Variants in RPS6KA2 observed in about 807,000 individuals in gnomAD.
RPS6KA2 encodes the protein ribosomal protein S6 kinase alpha-2.
A neutral mutation model predicts 91.8 loss-of-function variants in RPS6KA2; 42 were observed. That is an observed-to-expected ratio of 0.46 (90% CI 0.36 to 0.59). The LOEUF (loss-of-function observed/expected upper bound fraction) is 0.59, where lower values mean the gene tolerates loss of function less well. RPS6KA2 is among the 20% of genes least tolerant of loss of function. The pLI is 0.00. For synonymous variants in RPS6KA2, 414 were observed against 393.6 expected, an observed-to-expected ratio of 1.05 and a Z score of -0.61; for missense variants, 798 against 978.5, an observed-to-expected ratio of 0.82 and a Z score of 2.46.
At chr6:166,803,916 T>C (rs1779428283) in intron 2 of RPS6KA2, among the ~76,000 whole-genome samples, 1 of 152,224 alleles carries the variant, frequency 6.6e-6, no homozygotes, top group Admixed American at 6.5e-5. Context: ...AATGTAATGT[T>C]GTTATGAAAT....
chr6:166,681,422 G>T (rs986314398), intron 2 of RPS6KA2, among the ~76,000 whole-genome samples: 1 of 152,092 alleles, frequency 6.6e-6, no homozygotes, highest in Non-Finnish European at 1.5e-5. Context: ...TCTAGATTCC[G>T]TCTTGACATA....
chr6:166,651,818 T>C (rs1787862114), intron 2 of RPS6KA2, among the ~76,000 whole-genome samples: 1 of 152,262 alleles, frequency 6.6e-6, no homozygotes, highest in Non-Finnish European at 1.5e-5. Context: ...TCTGATCCCA[T>C]TTGGAGAAGG....
intron 2 of RPS6KA2, among the ~76,000 whole-genome samples, chr6:166,740,506 T>A (rs1468464433): frequency 6.6e-6 from 1 of 152,184 alleles, no homozygotes; most frequent in Non-Finnish European, 1.5e-5. Context: ...TATAACAATT[T>A]AACAATAAGG....
rs756314638 is a variant in RPS6KA2, at chr6:166,665,452, G to A, written c.124-126668C>T. Reference sequence around the variant, plus strand: ...CTGCACAAAGCTGCTGGACAAAGCCGAATCTCCAGGAGCCCAGTCCCACCC... The same window carrying A: ...CTGCACAAAGCTGCTGGACAAAGCCAAATCTCCAGGAGCCCAGTCCCACCC... On this transcript the variant is annotated intron_variant, in intron 2 of 21. Coordinates refer to the RPS6KA2 transcript ENST00000503859. This position sits in a 1 kb window ranked among gnomAD's most constrained non-coding sequence, Gnocchi z 4.5. 2.6e-5 allele frequency among the ~76,000 whole-genome samples: 4 copies of A among 152,112 alleles called. No individual in the cohort carries two copies. The highest frequency in any genetic ancestry group is 1.9e-4 in the East Asian group (1 of 5,188).
At chr6:166,526,709 T>A (rs1326084001) in intron 3 of RPS6KA2, among the ~76,000 whole-genome samples, 1 of 152,144 alleles carries the variant, frequency 6.6e-6, no homozygotes, top group Non-Finnish European at 1.5e-5. Flanking sequence ...TGTTCCAAAA[T>A]ATTTTAAAAA....
intron 1 of RPS6KA2, among the ~76,000 whole-genome samples, chr6:166,605,608 T>C (rs560584519): frequency 1.7e-4 from 26 of 152,294 alleles, no homozygotes; most frequent in African/African-American, 5.5e-4. Flanking sequence ...TGAAATATGA[T>C]ATTAGAACAA....
chr6:166,752,510 T>C (rs1384240470), intron 2 of RPS6KA2, among the ~76,000 whole-genome samples: 1 of 152,216 alleles, frequency 6.6e-6, no homozygotes, highest in Non-Finnish European at 1.5e-5. Context: ...CTTCAAAAGC[T>C]GACATTAGCT....
In RPS6KA2 at chr6:166,423,548, C is replaced by G. The variant is rs1778805168; in HGVS notation, c.1582-131G>C. On this transcript the variant is annotated intron_variant, in intron 16 of 20. Transcript: ENST00000265678. The surrounding 1 kb of genome is among the most constrained non-coding windows in gnomAD (Gnocchi z 4.8). The stretch of plus-strand genomic sequence containing the variant: ...GCAGGTCCTGCAAGCAGGCAACAGG[C>G]CAACAGTGTCAACAGCTGCTGTCTT... The G allele has an allele frequency of 3.7e-6, 3 of 805,838 alleles. No homozygotes were observed. Among genetic ancestry groups the G allele is most frequent in the South Asian group, 1.8e-5 (1 of 54,716 alleles). The allele number at this position is 805,838 out of a possible 1,614,324, so 49.9% of individuals were successfully genotyped here.
chr6:166,558,745 G>A (rs746513177), intron 1 of RPS6KA2, among the ~76,000 whole-genome samples: 28 of 152,316 alleles, frequency 1.8e-4, no homozygotes, highest in East Asian at 3.9e-4. Context: ...TGAGGGATCC[G>A]AGAGGCCTAA....
At chr6:166,569,133 C>T (rs1348277953) in intron 1 of RPS6KA2, among the ~76,000 whole-genome samples, 3 of 152,228 alleles carry the variant, frequency 2.0e-5, no homozygotes, top group Non-Finnish European at 2.9e-5. Flanking sequence ...GGTACAGACA[C>T]AAGCATGTCC....
At chr6:166,532,317 C>A (rs186717521) in intron 2 of RPS6KA2, among the ~76,000 whole-genome samples, 2 of 152,240 alleles carry the variant, frequency 1.3e-5, no homozygotes, top group South Asian at 2.1e-4. Context: ...TTGGCTCCCC[C>A]CCAAGACTGG....
chr6:166,585,683 A>G (rs1471497687), intron 1 of RPS6KA2, among the ~76,000 whole-genome samples: 13 of 94,854 alleles, frequency 1.4e-4, no homozygotes, highest in Admixed American at 3.2e-4. Context: ...GTTATGTACA[A>G]TCTATCACAA....
At chr6:166,466,885 C>A (rs1044479665) in intron 11 of RPS6KA2, among the ~76,000 whole-genome samples, 9 of 150,712 alleles carry the variant, frequency 6.0e-5, no homozygotes, top group Non-Finnish European at 1.0e-4. Flanking sequence ...CTCACTCACT[C>A]ATTCACTCAC....
Position 166,680,673 on chromosome 6 carries a change from C to T in RPS6KA2, c.124-141889G>A, listed in dbSNP as rs190818406. On this transcript the variant is annotated intron_variant, in intron 2 of 21. Transcript: ENST00000503859. ...CACTGTGAAGGTTTGCAGCTTCATT[C>T]CTAAAGTCAGCGAGACCATGAACCC... Among the ~76,000 whole-genome samples the T allele has an allele frequency of 1.8e-4, 28 of 152,314 alleles. No individual in the cohort carries two copies. In the East Asian group the frequency reaches 3.7e-3, roughly 20 times the overall value.
intron 2 of RPS6KA2, among the ~76,000 whole-genome samples, chr6:166,672,178 CCAGGGCGGATAT>C (rs1448249971): frequency 6.6e-6 from 1 of 151,984 alleles, no homozygotes; most frequent in Admixed American, 6.6e-5. Context: ...TTAAAGAGAC[CCAGGGCGGATAT>C]GAGGGAGGGA....
intron 1 of RPS6KA2, among the ~76,000 whole-genome samples, chr6:166,587,418 G>A (rs950324230): frequency 1.6e-4 from 25 of 152,128 alleles, no homozygotes; most frequent in African/African-American, 4.3e-4. Context: ...CTCCTCACCC[G>A]TCCTTGGCCT....
intron 2 of RPS6KA2, among the ~76,000 whole-genome samples, chr6:166,804,661 T>C (rs1286666922): frequency 1.3e-5 from 2 of 152,168 alleles, no homozygotes; most frequent in Non-Finnish European, 2.9e-5. Context: ...ATTTATGTGT[T>C]TTATATCTCT....
chr6:166,704,585 C>A (rs1213023838), intron 2 of RPS6KA2, among the ~76,000 whole-genome samples: 1 of 152,348 alleles, frequency 6.6e-6, no homozygotes, highest in East Asian at 1.9e-4. Flanking sequence ...CAGGAACACA[C>A]TTGGATGCCC....
chr6:166,470,650 C>T (rs190892887), intron 10 of RPS6KA2, among the ~76,000 whole-genome samples: 1 of 152,254 alleles, frequency 6.6e-6, no homozygotes, highest in Admixed American at 6.5e-5. Context: ...TGCCAGAAAT[C>T]GCCACTGTCC....
Sources: gnomAD v4.1 joint callset for allele counts (sites outside exome capture counted in the v4.1 genomes callset) on GRCh38, gnomAD v4.1.1 for gene constraint, Gnocchi (gnomAD v3.1) non-coding constraint, MANE v1.5 for transcripts, NCBI Gene and HGNC (gene_info 2026-07-23, HGNC 2026-07-21) for gene names.